Variants in ARHGEF28 observed in about 807,000 individuals in gnomAD.
ARHGEF28 encodes Rho guanine nucleotide exchange factor 28.
Under a neutral mutation model 206.6 loss-of-function variants are expected in ARHGEF28, and 152 were observed. The observed-to-expected ratio is 0.74, with a 90% CI of 0.64 to 0.84. The LOEUF (loss-of-function observed/expected upper bound fraction) is 0.84, where lower values mean the gene tolerates loss of function less well. Among genes scored for constraint, ARHGEF28 ranks in the 40% least tolerant of loss-of-function variants. The pLI is 0.00. For missense variants in ARHGEF28, 2,028 were observed against 2,073.2 expected, an observed-to-expected ratio of 0.98 and a Z score of 0.42; for synonymous variants, 763 against 776.4, an observed-to-expected ratio of 0.98 and a Z score of 0.29.
chr5:73,916,116 G>A (rs1251319558), intron 35 of ARHGEF28, among the ~76,000 whole-genome samples: 2 of 151,720 alleles, frequency 1.3e-5, no homozygotes, highest in East Asian at 1.9e-4. Context: ...TTTATGTAAG[G>A]GAAGAAAATA....
At chr5:73,872,049 A>G (rs1271791600) in intron 21 of ARHGEF28, among the ~76,000 whole-genome samples, 3 of 152,112 alleles carry the variant, frequency 2.0e-5, no homozygotes, top group East Asian at 3.8e-4. Context: ...ACGTTTAATC[A>G]CTTGAGAAAC....
chr5:73,636,921 G>A (rs2112129259), intron 1 of ARHGEF28, among the ~76,000 whole-genome samples: 1 of 152,216 alleles, frequency 6.6e-6, no homozygotes, highest in South Asian at 2.1e-4. Flanking sequence ...ACACTTGACT[G>A]GCAACATCTA....
At position 73,639,953 on chromosome 5, in the gene ARHGEF28, A is replaced by G. The variant is rs114854654; in HGVS notation, c.-12+13631A>G. The stretch of plus-strand genomic sequence containing the variant: ...GTGGCTTTATAAATGTCAATACTGT[A>G]GTAAGTGTTGCTTTTTATATTCTTA... On this transcript the variant is annotated intron_variant, in intron 1 of 35. Coordinates refer to ENST00000513042, the MANE Select transcript of ARHGEF28 (RefSeq NM_001177693.2). Among the ~76,000 whole-genome samples, 368 of 152,356 alleles carry G rather than the reference A, an allele frequency of 2.4e-3. 2 individuals are homozygous for G. The highest frequency in any genetic ancestry group is 8.4e-3 in the African/African-American group (348 of 41,578).
chr5:73,715,927 C>T (rs970308731), intron 2 of ARHGEF28, among the ~76,000 whole-genome samples: 12 of 152,210 alleles, frequency 7.9e-5, no homozygotes, highest in Non-Finnish European at 8.8e-5. Context: ...GGAGTTCCAT[C>T]TTCACGCACT....
intron 22 of ARHGEF28, among the ~76,000 whole-genome samples, chr5:73,874,274 T>A (rs1028873656): frequency 6.6e-6 from 1 of 152,132 alleles, no homozygotes; most frequent in Non-Finnish European, 1.5e-5. Flanking sequence ...TAGACATTGG[T>A]TCTTGTCATA....
chr5:73,811,962 G>A (rs949985414), intron 9 of ARHGEF28, among the ~76,000 whole-genome samples: 1 of 137,720 alleles, frequency 7.3e-6, no homozygotes, highest in African/African-American at 2.8e-5. Flanking sequence ...CAGCCTAGGC[G>A]ACAGAGTGAG....
At chr5:73,670,861 T>G (rs1291508271) in intron 1 of ARHGEF28, among the ~76,000 whole-genome samples, 1 of 152,248 alleles carries the variant, frequency 6.6e-6, no homozygotes. Context: ...TTTTGCATAC[T>G]AGCCCTTTGA....
intron 4 of ARHGEF28, among the ~76,000 whole-genome samples, chr5:73,769,036 T>C (rs1554061483): frequency 1.3e-5 from 2 of 152,180 alleles, no homozygotes; most frequent in Non-Finnish European, 1.5e-5. Context: ...TCCACCATGA[T>C]TGTGAGGCCT....
At chr5:73,762,672 T>G (rs1752670973) in intron 4 of ARHGEF28, among the ~76,000 whole-genome samples, 1 of 152,122 alleles carries the variant, frequency 6.6e-6, no homozygotes, top group African/African-American at 2.4e-5. Context: ...GTCAACACAT[T>G]TAATTTTTAT....
chr5:73,660,499 A>G lies in ARHGEF28; in HGVS notation c.-11-24342A>G, dbSNP rs546244924. Among the ~76,000 whole-genome samples, 8 of 152,296 alleles carry G rather than the reference A, an allele frequency of 5.3e-5. No homozygotes were observed. In the East Asian group the frequency reaches 9.7e-4, roughly 18 times the overall value. ...CCTCCCATGAATCACAAATGTCCTT[A>G]ATGACATCTAGAATGGTGAATTCTT... On this transcript the variant is annotated intron_variant, in intron 1 of 35. Coordinates refer to ENST00000513042, the MANE Select transcript of ARHGEF28 (RefSeq NM_001177693.2).
At chr5:73,789,141 G>A (rs1754318982) in intron 7 of ARHGEF28, among the ~76,000 whole-genome samples, 1 of 152,122 alleles carries the variant, frequency 6.6e-6, no homozygotes, top group African/African-American at 2.4e-5. Flanking sequence ...CTGAGGAATA[G>A]ATAAACAAAA....
intron 6 of ARHGEF28, 47 bp from the exon 7 acceptor site, chr5:73,780,629 A>G: frequency 6.6e-7 from 1 of 1,517,920 alleles, no homozygotes; most frequent in South Asian, 1.2e-5. Context: ...GGAACCTCAA[A>G]TGGTTTTCTG....
chr5:73,868,731 C>T (rs1462110446), intron 20 of ARHGEF28, among the ~76,000 whole-genome samples: 2 of 152,062 alleles, frequency 1.3e-5, no homozygotes, highest in Non-Finnish European at 2.9e-5. Context: ...ATTGCAACCT[C>T]GAGCTCCCAG....
At chr5:73,916,265 G>T (rs939276428) in intron 35 of ARHGEF28, among the ~76,000 whole-genome samples, 2 of 152,134 alleles carry the variant, frequency 1.3e-5, no homozygotes, top group Non-Finnish European at 2.9e-5. Flanking sequence ...TATATGGAAA[G>T]AAGCTTTGCC....
At position 73,661,091 on chromosome 5, in the gene ARHGEF28, A is replaced by G. The variant is rs148519281; in HGVS notation, c.-11-23750A>G. Among the ~76,000 whole-genome samples the G allele has an allele frequency of 1.1e-3, 161 of 152,378 alleles. No individual in the cohort carries two copies. In the East Asian group the frequency reaches 0.024, roughly 22 times the overall value. The stretch of plus-strand genomic sequence containing the variant: ...TTTCCAAAAAAAGGTTGTTTTGTCC[A>G]CACTGAAAATCTGTTGTTTACTGTA... On this transcript the variant is annotated intron_variant, in intron 1 of 35. Coordinates refer to ENST00000513042, the MANE Select transcript of ARHGEF28 (RefSeq NM_001177693.2).
intron 33 of ARHGEF28, 191 bp from the exon 34 acceptor site, chr5:73,909,221 G>T: frequency 1.4e-6 from 1 of 690,932 alleles, no homozygotes. Flanking sequence ...CTACCCCTAG[G>T]ACAGATGTAG....
chr5:73,639,098 A>G (rs992094092), intron 1 of ARHGEF28, among the ~76,000 whole-genome samples: 11 of 151,550 alleles, frequency 7.3e-5, no homozygotes, highest in Admixed American at 2.6e-4. Flanking sequence ...GAAGATCTTC[A>G]TGGCCCTAGC....
intron 1 of ARHGEF28, among the ~76,000 whole-genome samples, chr5:73,633,202 T>A (rs186566922): frequency 1.3e-5 from 2 of 152,172 alleles, no homozygotes; most frequent in Non-Finnish European, 2.9e-5. Flanking sequence ...TAAATACAGA[T>A]GAAGCTTCAC....
intron 35 of ARHGEF28, among the ~76,000 whole-genome samples, chr5:73,925,823 A>G (rs1180542981): frequency 6.6e-6 from 1 of 152,234 alleles, no homozygotes; most frequent in Non-Finnish European, 1.5e-5. Context: ...ATTGATGAAT[A>G]TTCCAAAGTT....
Sources: gnomAD v4.1 joint callset for allele counts (sites outside exome capture counted in the v4.1 genomes callset) on GRCh38, gnomAD v4.1.1 for gene constraint, MANE v1.5 for transcripts, NCBI Gene and HGNC (gene_info 2026-07-23, HGNC 2026-07-21) for gene names.